C2: variants seen among roughly 807,000 people sequenced by gnomAD.
The protein encoded by C2 is C3/C5 convertase.
In C2, 64 loss-of-function variants were observed where a neutral mutation model predicts 85.2. The observed-to-expected ratio is 0.75, with a 90% CI of 0.61 to 0.92. The LOEUF (loss-of-function observed/expected upper bound fraction) is 0.92, where lower values mean the gene tolerates loss of function less well. C2 is among the 40% of genes least tolerant of loss of function. The pLI is 0.00. For synonymous variants in C2, 311 were observed against 370.8 expected (o/e 0.84, Z 1.85); for missense variants, 820 against 971.6 (o/e 0.84, Z 2.07).
chr6:31,928,970 C>G (rs922889756), intron 3 of C2, 53 bp downstream of exon 3: 5 of 1,526,726 alleles, frequency 3.3e-6, no homozygotes, highest in African/African-American at 1.4e-5. Context: ...CCTGGGGAAC[C>G]CTGGGGCCCA....
upstream of C2, among the ~76,000 whole-genome samples, chr6:31,924,873 CA>C (rs1325162944): frequency 6.6e-6 from 1 of 152,190 alleles, no homozygotes; most frequent in African/African-American, 2.4e-5. Context: ...TTCCTCCTAT[CA>C]AGAGGTAAAT....
chr6:31,929,490 G>C (rs1431337193), intron 3 of C2, among the ~76,000 whole-genome samples: 4 of 152,074 alleles, frequency 2.6e-5, no homozygotes, highest in Non-Finnish European at 5.9e-5. Flanking sequence ...GGAGGCCAAG[G>C]GGGGTGGATC....
upstream of C2, among the ~76,000 whole-genome samples, chr6:31,898,708 A>G (rs1465533211): frequency 2.0e-5 from 3 of 151,096 alleles, no homozygotes; most frequent in Non-Finnish European, 2.9e-5. Context: ...AATATGACCA[A>G]ACAGACTCCT....
intron 9 of C2, among the ~76,000 whole-genome samples, chr6:31,940,060 G>A (rs2293751): frequency 0.49 from 75,140 of 152,020 alleles, 18,767 homozygotes; most frequent in Middle Eastern, 0.68. Context: ...ACAGATAGGC[G>A]TGAGCCACTG....
intron 3 of C2, among the ~76,000 whole-genome samples, chr6:31,932,694 C>A (rs1427218006): frequency 1.3e-5 from 2 of 152,050 alleles, no homozygotes; most frequent in African/African-American, 4.8e-5. Flanking sequence ...CGGAGACGCT[C>A]CTCACTTCCC....
chr6:31,932,121 AC>A (rs1293017449), intron 3 of C2, among the ~76,000 whole-genome samples: 3 of 122,620 alleles, frequency 2.4e-5, no homozygotes, highest in African/African-American at 1.0e-4. Flanking sequence ...CGAGGGGCTG[AC>A]CCCCCCACCT....
chr6:31,939,205 A>G, intron 8 of C2, 26 bp from the exon 9 acceptor site: 1 of 1,524,368 alleles, frequency 6.6e-7, no homozygotes, highest in South Asian at 1.1e-5. Context: ...ATTACCTAGA[A>G]GAATTCTTTA....
Position 31,944,131 on chromosome 6 carries a change from A to G in C2, c.1811-4A>G, listed in dbSNP as rs750264218. 4 of 1,607,768 alleles carry G rather than the reference A, an allele frequency of 2.5e-6. No individual in the cohort carries two copies. Among genetic ancestry groups the G allele is most frequent in the South Asian group, 2.2e-5 (2 of 90,976 alleles). ...GCACCAACATCCCCTTCTCTTGACT[A>G]TAGAGAATGAACTGCTGAACAAACA... On this transcript the variant is annotated splice_region_variant and splice_polypyrimidine_tract_variant and intron_variant, in intron 14 of 17. Coordinates refer to ENST00000299367, the MANE Select transcript of C2 (RefSeq NM_000063.6). The surrounding 1 kb of genome is among the most constrained non-coding windows in gnomAD (Gnocchi z 5.1).
intron 6 of C2, chr6:31,934,922 C>T: frequency 4.0e-6 from 1 of 252,264 alleles, no homozygotes; most frequent in Non-Finnish European, 6.3e-6. Context: ...GCAGGAGAAT[C>T]GCTTGGATCC....
chr6:31,909,296 G>A (rs1486961935), intron 1 of C2, among the ~76,000 whole-genome samples: 1 of 151,748 alleles, frequency 6.6e-6, no homozygotes, highest in Admixed American at 6.6e-5. Flanking sequence ...AATTTTTAAC[G>A]TATTATTATT....
intron 1 of C2, among the ~76,000 whole-genome samples, chr6:31,909,973 C>T (rs571355824): frequency 2.6e-5 from 4 of 151,630 alleles, no homozygotes; most frequent in Admixed American, 6.6e-5. Flanking sequence ...CTCTGCCTCC[C>T]GGGTTCAAGG....
intron 3 of C2, among the ~76,000 whole-genome samples, chr6:31,931,866 G>C (rs867993055): frequency 4.7e-5 from 7 of 150,156 alleles, no homozygotes; most frequent in South Asian, 2.1e-4. Context: ...CTCACCTCCC[G>C]GACAGGGCGG....
intron 6 of C2, 33 bp downstream of exon 6, chr6:31,934,332 C>G (rs1346101159): frequency 1.2e-6 from 2 of 1,613,356 alleles, no homozygotes; most frequent in South Asian, 2.2e-5. Flanking sequence ...GCAGCAGAGG[C>G]CTTCCTGTGC....
chr6:31,936,511 C>CTT (rs548102461), intron 7 of C2: 106 of 179,556 alleles, frequency 5.9e-4, no homozygotes, highest in Middle Eastern at 2.3e-3. Flanking sequence ...TTTTCTTCTT[C>CTT]TTTTTTTTTT....
In C2 at chr6:31,920,018, C is replaced by T. The variant is rs1289878113; in HGVS notation, c.-108C>T. The stretch of plus-strand genomic sequence containing the variant: ...TGTTGGTTCTGTGGATGACAGGTGA[C>T]AAAACAGGGTGAGTAAGGCTACGAA... On this transcript the variant is annotated 5_prime_UTR_variant, in exon 1 of 4. Coordinates refer to the C2 transcript ENST00000413154. This position sits in a 1 kb window ranked among gnomAD's most constrained non-coding sequence, Gnocchi z 5.6. 1.3e-5 allele frequency: 2 copies of T among 152,164 alleles called. No individual in the cohort carries two copies. The highest frequency in any genetic ancestry group is 2.4e-5 in the African/African-American group (1 of 41,410). The allele number at this position is 152,164 out of a possible 1,614,324, so 9.4% of individuals were successfully genotyped here.
chr6:31,941,534 C>T (rs1770876748), intron 9 of C2: 1 of 152,264 alleles, frequency 6.6e-6, no homozygotes, highest in African/African-American at 2.4e-5. Flanking sequence ...CGCTCTGTCA[C>T]CCAGAAGCCC....
intron 3 of C2, among the ~76,000 whole-genome samples, chr6:31,930,084 CTT>C (rs527924764): frequency 6.3e-5 from 9 of 143,604 alleles, no homozygotes; most frequent in Admixed American, 7.0e-5. Flanking sequence ...GCCATGTACA[CTT>C]TTTTTTTTTT....
upstream of C2, among the ~76,000 whole-genome samples, chr6:31,924,089 C>T (rs1312800174): frequency 4.6e-5 from 7 of 152,296 alleles, no homozygotes; most frequent in South Asian, 2.1e-4. Flanking sequence ...CGTGAACCAC[C>T]GCGCCCGGCC....
In C2 at chr6:31,935,748, C is replaced by G. The variant is rs555611895; in HGVS notation, c.850-175C>G. On this transcript the variant is annotated intron_variant, in intron 6 of 17. Transcript: ENST00000299367. This position sits in a 1 kb window ranked among gnomAD's most constrained non-coding sequence, Gnocchi z 4.3. ...GTGTTGGGATTCAGGCATGAGCCAC[C>G]GCGCCCAGCCCCTAGCTTCTTCCTA... Among the ~76,000 whole-genome samples, 1 of 152,070 alleles carries G rather than the reference C, an allele frequency of 6.6e-6. No homozygotes were observed. The highest frequency in any genetic ancestry group is 1.5e-5 in the Non-Finnish European group (1 of 68,012).
Sources: allele counts gnomAD v4.1 joint callset (sites outside exome capture counted in the v4.1 genomes callset), GRCh38; gene constraint gnomAD v4.1.1; non-coding constraint Gnocchi (gnomAD v3.1); transcripts MANE v1.5; gene names NCBI Gene and HGNC (gene_info 2026-07-23, HGNC 2026-07-21).